IARS2: variants seen among roughly 807,000 people sequenced by gnomAD.
The protein encoded by IARS2 is isoleucyl-tRNA synthetase 2, mitochondrial, also known as isoleucine--tRNA ligase, mitochondrial.
A neutral mutation model predicts 126.3 loss-of-function variants in IARS2; 56 were observed. The observed-to-expected ratio is 0.44, with a 90% CI of 0.36 to 0.55. The LOEUF is 0.55. Among genes scored for constraint, IARS2 ranks in the 20% least tolerant of loss-of-function variants. The probability of loss-of-function intolerance (pLI) is 0.00; values close to 1 mark genes in which losing one functional copy is unlikely to be tolerated. For synonymous variants in IARS2, 407 were observed against 441.1 expected (o/e 0.92, Z 0.97); for missense variants, 1,127 against 1,245.9 (o/e 0.90, Z 1.44).
Position 220,112,115 on chromosome 1 carries a change from G to A in IARS2, c.1479+1178G>A, listed in dbSNP as rs1656815908. ...ATTTTGTTTTTATCTACACCCCTCCGACCACCTACTTTTTTTTTTTTTTTT... is the reference window on the plus strand; with the variant it reads ...ATTTTGTTTTTATCTACACCCCTCCAACCACCTACTTTTTTTTTTTTTTTT... On this transcript the variant is annotated intron_variant, in intron 11 of 22. Transcript: ENST00000366922. Among the ~76,000 whole-genome samples, 2 of 135,844 alleles carry A rather than the reference G, an allele frequency of 1.5e-5. 1 individual carries two copies. The highest frequency in any genetic ancestry group is 3.2e-5 in the Non-Finnish European group (2 of 62,998). The allele number at this position is 135,844 out of a possible 152,430, so 89.1% of individuals were successfully genotyped here.
chr1:220,106,971 C>T (rs1656694658), intron 9 of IARS2, 90 bp from the exon 10 acceptor site: 2 of 901,956 alleles, frequency 2.2e-6, no homozygotes, highest in Non-Finnish European at 3.7e-6. Flanking sequence ...CCAGGCTATA[C>T]TGAGATGTTT....
chr1:220,103,494 C>CAGATAAA lies in IARS2; in HGVS notation c.998_999insAGATAAA (p.Ala334AspfsTer5). 1 of 1,613,142 alleles carries CAGATAAA rather than the reference C, an allele frequency of 6.2e-7. No homozygotes were observed. Among genetic ancestry groups the CAGATAAA allele is most frequent in the Non-Finnish European group, 8.5e-7 (1 of 1,179,278 alleles). ...AAGTCTGGAGACCTCTACGTACTGG[C>CAGATAAA]GGCAGATAAAGTAGCATCTGTTGCT... On this transcript the variant is annotated frameshift_variant, in exon 8 of 23. Transcript: ENST00000366922. LOFTEE classifies it high-confidence loss of function.
chr1:220,136,582 C>T (rs892569945), intron 15 of IARS2, among the ~76,000 whole-genome samples: 4 of 140,312 alleles, frequency 2.9e-5, no homozygotes, highest in South Asian at 2.2e-4. Flanking sequence ...TGCAGTGAGC[C>T]GACATCATGC....
At chr1:220,123,483 A>T (rs1558126573) in intron 12 of IARS2, among the ~76,000 whole-genome samples, 2 of 151,792 alleles carry the variant, frequency 1.3e-5, no homozygotes, top group African/African-American at 4.8e-5. Context: ...TTTATTTATT[A>T]TTTTTTTTGA....
rs951773487 is a variant in IARS2 at position 220,140,219 on chromosome 1, G to C, written c.2344G>C (p.Val782Leu). 6.2e-7 allele frequency: 1 copy of C among 1,613,040 alleles called. No individual in the cohort carries two copies. The highest frequency in any genetic ancestry group is 1.3e-5 in the African/African-American group (1 of 74,916). ...ATACAAACAATATGATTTTGGAAAA[G>C]TTGTTCGGCTGTTACGGACGTTTTA... ...ELYKQYDFGK[V>L]VRLLRTFYTR... The change falls in exon 19 of 23, where the codon GTT becomes CTT. Residue 782 changes from valine to leucine, a missense_variant. Coordinates refer to ENST00000366922, the MANE Select transcript of IARS2 (RefSeq NM_018060.4).
chr1:220,100,709 A>G (rs912491040), intron 3 of IARS2, 60 bp downstream of exon 3: 2 of 1,343,132 alleles, frequency 1.5e-6, no homozygotes, highest in African/African-American at 3.0e-5. Flanking sequence ...TCCTTGAAAT[A>G]GTCAGAACTT....
chr1:220,114,970 TAG>T (rs1656885189), intron 12 of IARS2, among the ~76,000 whole-genome samples: 1 of 150,204 alleles, frequency 6.7e-6, no homozygotes, highest in South Asian at 2.1e-4. Flanking sequence ...GGAAAGGTAA[TAG>T]ATGGACATAG....
At chr1:220,106,619 T>C (rs1487196451) in intron 9 of IARS2, among the ~76,000 whole-genome samples, 1 of 151,656 alleles carries the variant, frequency 6.6e-6, no homozygotes, top group African/African-American at 2.4e-5. Flanking sequence ...TATTTCCTTT[T>C]CTTTTCTTTT....
chr1:220,107,236 C>A, intron 10 of IARS2, 85 bp downstream of exon 10: 1 of 810,552 alleles, frequency 1.2e-6, no homozygotes, highest in Non-Finnish European at 2.1e-6. Flanking sequence ...CCTCCTTATA[C>A]TTTAACAGAA....
chr1:220,146,651 A>C (rs1361488224), intron 22 of IARS2, among the ~76,000 whole-genome samples: 1 of 151,950 alleles, frequency 6.6e-6, no homozygotes, highest in Non-Finnish European at 1.5e-5. Flanking sequence ...ACCGTGTAGT[A>C]AAAGTTCTGG....
At position 220,094,465 on chromosome 1, in the gene IARS2, G is replaced by T. The variant is rs757189446; in HGVS notation, c.249G>T (p.Thr83=). ...MKLLGRQQPD[T]ELEIQQKCGF... is the part of the protein sequence containing the mutation. ...TGCTGGGCCGCCAGCAGCCGGACAC[G>T]GAGCTGGAGATCCAGCAGGTACGGG... The change falls in exon 1 of 23, where the codon ACG becomes ACT. Residue 83 remains threonine (T), a synonymous_variant. Coordinates refer to ENST00000366922, the MANE Select transcript of IARS2 (RefSeq NM_018060.4). 7 of 1,608,570 alleles carry T rather than the reference G, an allele frequency of 4.4e-6. No homozygotes were observed. Among genetic ancestry groups the T allele is most frequent in the Non-Finnish European group, 5.9e-6 (7 of 1,178,024 alleles).
At chr1:220,129,162 G>A (rs1571858955) in intron 14 of IARS2, among the ~76,000 whole-genome samples, 3 of 152,076 alleles carry the variant, frequency 2.0e-5, no homozygotes, top group African/African-American at 4.8e-5. Context: ...GATTACAGAC[G>A]TGAGCCACCG....
intron 21 of IARS2, among the ~76,000 whole-genome samples, chr1:220,143,758 G>C (rs1228328471): frequency 6.6e-6 from 1 of 152,124 alleles, no homozygotes; most frequent in Non-Finnish European, 1.5e-5. Flanking sequence ...ATATTTCAAA[G>C]CATTTATCCT....
intron 14 of IARS2, among the ~76,000 whole-genome samples, chr1:220,134,093 T>C (rs977691156): frequency 1.3e-5 from 2 of 152,214 alleles, no homozygotes; most frequent in African/African-American, 2.4e-5. Context: ...AGATGGTCTC[T>C]CTGGGTTTGT....
intron 14 of IARS2, among the ~76,000 whole-genome samples, chr1:220,130,642 C>T (rs1011032688): frequency 2.0e-5 from 3 of 152,136 alleles, no homozygotes; most frequent in Admixed American, 6.5e-5. Flanking sequence ...ACTGCAAGCT[C>T]CGCCTCCTGG....
Position 220,142,064 on chromosome 1 carries a change from A to G in IARS2, c.2560+116A>G, listed in dbSNP as rs945051244. 30 of 940,346 alleles carry G rather than the reference A, an allele frequency of 3.2e-5. No homozygotes were observed. The African/African-American group carries it at 4.8e-4, about 15-fold the overall frequency. The allele number at this position is 940,346 out of a possible 1,614,324, so 58.3% of individuals were successfully genotyped here. A position where few individuals can be genotyped will look rare whatever the true frequency, so the allele number is the denominator to read the frequency against. On this transcript the variant is annotated intron_variant, in intron 20 of 22. Coordinates refer to ENST00000366922, the MANE Select transcript of IARS2 (RefSeq NM_018060.4). ...ATCCATTTACAGTGACTGCTGTGTG[A>G]CACAGTGTGTCTTGGTCATGTATTT...
intron 14 of IARS2, among the ~76,000 whole-genome samples, chr1:220,133,496 C>T (rs1657310418): frequency 6.6e-6 from 1 of 152,148 alleles, no homozygotes; most frequent in African/African-American, 2.4e-5. Flanking sequence ...CTCAGTTAAT[C>T]TTTCTTACAT....
At chr1:220,121,208 G>A (rs1657043854) in intron 12 of IARS2, among the ~76,000 whole-genome samples, 3 of 152,092 alleles carry the variant, frequency 2.0e-5, no homozygotes, top group Admixed American at 1.3e-4. Flanking sequence ...GTGTAGTTAC[G>A]TTGTTTCTCG....
In IARS2 at chr1:220,102,318, C is replaced by G. The variant is rs376610134; in HGVS notation, c.699+41C>G. On this transcript the variant is annotated intron_variant, in intron 4 of 22. Coordinates refer to ENST00000366922, the MANE Select transcript of IARS2 (RefSeq NM_018060.4). ...TTCTCTTTGAGTAGGTTTTAGTATG[C>G]GTTACAAGATTCTACTTTTAACATC... The G allele has an allele frequency of 3.1e-6, 5 of 1,606,908 alleles. No homozygotes were observed. The South Asian group carries it at 5.6e-5, about 18-fold the overall frequency.
Sources: allele counts gnomAD v4.1 joint callset (sites outside exome capture counted in the v4.1 genomes callset), GRCh38; gene constraint gnomAD v4.1.1; transcripts MANE v1.5; gene names NCBI Gene and HGNC (gene_info 2026-07-23, HGNC 2026-07-21).